TLR6: variants seen among roughly 807,000 people sequenced by gnomAD.
TLR6 encodes the protein toll like receptor 6.
Under a neutral mutation model 16.1 loss-of-function variants are expected in TLR6, and 9 were observed. The ratio of observed to expected loss-of-function variants is 0.56; its 90% CI spans 0.34 to 0.98. The LOEUF (loss-of-function observed/expected upper bound fraction) is 0.98, where lower values mean the gene tolerates loss of function less well. Among genes scored for constraint, TLR6 ranks in the 50% least tolerant of loss-of-function variants. TLR6 has a pLI of 0.02. For missense variants in TLR6, 786 were observed against 921.0 expected (o/e 0.85, Z 1.90); for synonymous variants, 340 against 338.6 (o/e 1.00, Z -0.04).
chr4:38,827,260 G>C (rs902122233), exon 2 of TLR6: 45 of 1,614,148 alleles, frequency 2.8e-5, no homozygotes, highest in Non-Finnish European at 3.8e-5. Context: ...TCTGTGGAAT[G>C]GGTTCCAGTA....
chr4:38,833,742 T>C (rs1711751199), intron 1 of TLR6, among the ~76,000 whole-genome samples: 1 of 151,974 alleles, frequency 6.6e-6, no homozygotes, highest in Non-Finnish European at 1.5e-5. Context: ...TAATTCAAAA[T>C]AATGATACTA....
chr4:38,856,285 A>G (rs931407550), intron 1 of TLR6, among the ~76,000 whole-genome samples: 2 of 152,220 alleles, frequency 1.3e-5, no homozygotes, highest in Non-Finnish European at 2.9e-5. Flanking sequence ...CCTGCTTTCA[A>G]AAAGCTTATG....
intron 1 of TLR6, among the ~76,000 whole-genome samples, chr4:38,849,115 G>T (rs1238898435): frequency 1.3e-5 from 2 of 152,146 alleles, no homozygotes; most frequent in South Asian, 4.1e-4. Flanking sequence ...GAGAGTGGGG[G>T]CCAATATTCA....
exon 2 of TLR6, chr4:38,826,495 G>T (rs1727548548): frequency 6.6e-6 from 1 of 152,198 alleles, no homozygotes; most frequent in African/African-American, 2.4e-5. Context: ...TTATGATTAA[G>T]TCCATATATC....
intron 1 of TLR6, among the ~76,000 whole-genome samples, chr4:38,853,296 G>A (rs1249141294): frequency 1.3e-5 from 2 of 151,186 alleles, no homozygotes; most frequent in African/African-American, 2.4e-5. Flanking sequence ...GAGTTAATGG[G>A]TGCAGCACAC....
chr4:38,861,951 C>A, the TLR6 span, among the ~76,000 whole-genome samples: 1 of 152,198 alleles, frequency 6.6e-6, no homozygotes, highest in Non-Finnish European at 1.5e-5. Context: ...GAACTCCAGA[C>A]TCTCACATTC....
the TLR6 span, among the ~76,000 whole-genome samples, chr4:38,864,597 G>A: frequency 6.6e-6 from 1 of 152,208 alleles, no homozygotes; most frequent in African/African-American, 2.4e-5. Context: ...GAATATGAAT[G>A]ATTCTCAAAA....
chr4:38,848,066 G>A (rs186548848), intron 1 of TLR6, among the ~76,000 whole-genome samples: 2 of 152,168 alleles, frequency 1.3e-5, no homozygotes, highest in African/African-American at 4.8e-5. Flanking sequence ...ACATGGCCAG[G>A]TACCCCTCTG....
exon 2 of TLR6, chr4:38,827,823 C>A (rs755746117): frequency 3.1e-6 from 5 of 1,614,260 alleles, no homozygotes; most frequent in Non-Finnish European, 4.2e-6. Context: ...CCCTCTAACA[C>A]TTCACTTGAT....
At chr4:38,849,218 A>G (rs1712667039) in intron 1 of TLR6, among the ~76,000 whole-genome samples, 1 of 152,170 alleles carries the variant, frequency 6.6e-6, no homozygotes, top group African/African-American at 2.4e-5. Flanking sequence ...CTTTACAGAC[A>G]AGCAAATGCT....
chr4:38,835,953 C>T (rs1182585099), intron 1 of TLR6, among the ~76,000 whole-genome samples: 1 of 151,838 alleles, frequency 6.6e-6, no homozygotes, highest in African/African-American at 2.4e-5. Flanking sequence ...ACACCAAAGC[C>T]TAGGAGACAC....
chr4:38,828,892 C>T (rs1285984781), exon 2 of TLR6: 3 of 1,611,868 alleles, frequency 1.9e-6, no homozygotes, highest in Non-Finnish European at 2.5e-6. Flanking sequence ...TTTTTGCATT[C>T]AGAATTTGTA....
intron 1 of TLR6, among the ~76,000 whole-genome samples, chr4:38,856,315 C>G (rs76032079): frequency 0.023 from 3,455 of 152,276 alleles, 57 homozygotes; most frequent in Middle Eastern, 0.082. Context: ...CAGACACAGA[C>G]CAGCAAACTG....
chr4:38,853,204 G>A (rs1206134588), intron 1 of TLR6, among the ~76,000 whole-genome samples: 1 of 139,438 alleles, frequency 7.2e-6, no homozygotes, highest in Non-Finnish European at 1.5e-5. Context: ...CACAGGAAAG[G>A]GAACATAACA....
chr4:38,844,174 G>A (rs1017326753), intron 1 of TLR6, among the ~76,000 whole-genome samples: 2 of 152,172 alleles, frequency 1.3e-5, no homozygotes, highest in Admixed American at 6.5e-5. Context: ...GGAGCACACC[G>A]CATTCTGAGA....
At chr4:38,831,283 C>T (rs576449058) in intron 1 of TLR6, among the ~76,000 whole-genome samples, 1 of 127,210 alleles carries the variant, frequency 7.9e-6, no homozygotes, top group Non-Finnish European at 1.7e-5. Context: ...AACAATTAGA[C>T]CTCCACATGC....
chr4:38,860,275 C>A (rs1361662360), upstream of TLR6, among the ~76,000 whole-genome samples: 2 of 152,002 alleles, frequency 1.3e-5, no homozygotes, highest in Non-Finnish European at 2.9e-5. Flanking sequence ...AGTTCAAAAC[C>A]AGCCTGGGCA....
At chr4:38,868,040 C>T in the TLR6 span, 1 of 426,008 alleles carries the variant, frequency 2.3e-6, no homozygotes, top group Non-Finnish European at 4.8e-6. Context: ...GAGGGACCTG[C>T]GTGGGTGCGG....
chr4:38,841,875 C>T (rs73811208), intron 1 of TLR6, among the ~76,000 whole-genome samples: 6 of 151,982 alleles, frequency 3.9e-5, no homozygotes, highest in African/African-American at 1.2e-4. Flanking sequence ...AAAATATGTA[C>T]GTCATTATTG....
Sources: gnomAD v4.1 joint callset for allele counts (sites outside exome capture counted in the v4.1 genomes callset) on GRCh38, gnomAD v4.1.1 for gene constraint, MANE v1.5 for transcripts, NCBI Gene and HGNC (gene_info 2026-07-23, HGNC 2026-07-21) for gene names.